Variants in DST observed in about 807,000 individuals in gnomAD.
DST encodes bullous pemphigoid antigen.
In DST, 253 loss-of-function variants were observed where a neutral mutation model predicts 875.2. The observed-to-expected ratio is 0.29, with a 90% confidence interval of 0.26 to 0.32. The LOEUF is 0.32. Ranked by LOEUF, DST falls within the 10% of genes least tolerant of loss-of-function variation. The pLI is 1.00. For synonymous variants in DST, 3,124 were observed against 3,197.1 expected (o/e 0.98, Z 0.77); for missense variants, 8,287 against 9,111.6 (o/e 0.91, Z 3.68).
At chr6:56,615,934 C>G (rs1247577216) in intron 36 of DST, 2 of 1,614,244 alleles carry the variant, frequency 1.2e-6, no homozygotes. Flanking sequence ...GGGCAAACCC[C>G]TCATCAACCA....
rs145040144 is a variant in DST at position 56,672,750 on chromosome 6, G to T, written c.1048-1943C>A. ...CAGTGTAATGCCTGGCCCATAGTCCGCAAATGCATAATACAGATGAGCTAT... is the reference window on the plus strand; with the variant it reads ...CAGTGTAATGCCTGGCCCATAGTCCTCAAATGCATAATACAGATGAGCTAT... On this transcript the variant is annotated intron_variant, in intron 9 of 103. Coordinates refer to ENST00000680361, the MANE Select transcript of DST (RefSeq NM_001374736.1). Among the ~76,000 whole-genome samples, 7 of 152,184 alleles carry T rather than the reference G, an allele frequency of 4.6e-5. No individual in the cohort carries two copies. In the East Asian group the frequency reaches 1.4e-3, roughly 29 times the overall value.
At chr6:56,534,711 A>G (rs758975495) in intron 63 of DST, among the ~76,000 whole-genome samples, 44 of 150,482 alleles carry the variant, frequency 2.9e-4, no homozygotes, top group Non-Finnish European at 4.9e-4. Flanking sequence ...AATTACACAC[A>G]CCCCCTCCCT....
intron 9 of DST, among the ~76,000 whole-genome samples, chr6:56,683,925 G>A (rs1414000630): frequency 6.6e-6 from 1 of 152,182 alleles, no homozygotes; most frequent in African/African-American, 2.4e-5. Flanking sequence ...AAAATTTCAT[G>A]AACTTTACAT....
At chr6:56,506,916 A>C in intron 75 of DST, 127 bp from the exon 76 acceptor site, 1 of 1,000,564 alleles carries the variant, frequency 1.0e-6, no homozygotes, top group Non-Finnish European at 1.4e-6. Context: ...CTGTTTTCTA[A>C]GTTTCTGCAA....
At chr6:56,569,209 C>A (rs1254889786) in intron 54 of DST, among the ~76,000 whole-genome samples, 1 of 151,468 alleles carries the variant, frequency 6.6e-6, no homozygotes, top group African/African-American at 2.4e-5. Flanking sequence ...CCTGTAGTCC[C>A]AGCTACTAGG....
chr6:56,665,554 T>C (rs953221770), intron 10 of DST, among the ~76,000 whole-genome samples: 6 of 152,060 alleles, frequency 3.9e-5, no homozygotes, highest in Non-Finnish European at 5.9e-5. Flanking sequence ...TATATGAAGA[T>C]GAGAATTCAG....
chr6:56,811,558 C>T (rs1276617740), intron 4 of DST, among the ~76,000 whole-genome samples: 2 of 152,278 alleles, frequency 1.3e-5, no homozygotes, highest in South Asian at 2.1e-4. Flanking sequence ...AAATTGGATA[C>T]TATCTTTCAT....
chr6:56,761,920 G>A (rs547652173), intron 4 of DST, among the ~76,000 whole-genome samples: 1 of 152,268 alleles, frequency 6.6e-6, no homozygotes, highest in Non-Finnish European at 1.5e-5. Flanking sequence ...GTTATTTAGT[G>A]CACCTTATAG....
Position 56,606,182 on chromosome 6 carries a change from C to T in DST, c.8446G>A (p.Gly2816Arg), listed in dbSNP as rs761457855. 2.1e-5 allele frequency: 34 copies of T among 1,590,778 alleles called. 1 individual carries two copies. The South Asian group carries it at 3.4e-4, about 16-fold the overall frequency. ...CCATTCTCATCTCTTATACCTCCTCCTTCTTCATCAATGCCATCATCATCA... is the reference window on the plus strand; with the variant it reads ...CCATTCTCATCTCTTATACCTCCTCTTTCTTCATCAATGCCATCATCATCA... Reference protein sequence around the residue: ...DDDDDGIDEEGGGIRDENGKP... With the variant: ...DDDDDGIDEERGGIRDENGKP... Residue 2816 changes from glycine (G) to arginine (R), a missense_variant, in exon 40 of 104, where the codon GGA becomes AGA. Transcript: ENST00000680361.
At chr6:56,853,764 G>C (rs1766464650) in intron 3 of DST, among the ~76,000 whole-genome samples, 1 of 152,020 alleles carries the variant, frequency 6.6e-6, no homozygotes, top group Non-Finnish European at 1.5e-5. Context: ...ATCACTCATA[G>C]CCAGATGGGA....
intron 34 of DST, among the ~76,000 whole-genome samples, chr6:56,625,955 C>T (rs111610813): frequency 0.052 from 2,906 of 55,474 alleles, 81 homozygotes; most frequent in African/African-American, 0.16. Flanking sequence ...TAGGCTTTAA[C>T]AAAGAAGTTT....
chr6:56,657,954 C>CG (rs373222797), intron 10 of DST, among the ~76,000 whole-genome samples: 5 of 151,954 alleles, frequency 3.3e-5, no homozygotes, highest in African/African-American at 1.2e-4. Flanking sequence ...TTAGTAAAGA[C>CG]GGGGTTTCGC....
chr6:56,636,420 ATATG>A (rs2098827170), intron 23 of DST, 133 bp downstream of exon 23: 2 of 685,250 alleles, frequency 2.9e-6, no homozygotes, highest in African/African-American at 3.6e-5. Flanking sequence ...ATACACACAT[ATATG>A]TGTATATATA....
At chr6:56,692,462 G>A (rs1485208896) in intron 9 of DST, 2 of 1,289,214 alleles carry the variant, frequency 1.6e-6, no homozygotes, top group Non-Finnish European at 2.0e-6. Flanking sequence ...TTTTTAAACT[G>A]AAAATGCTGT....
At chr6:56,930,186 C>A (rs575224910) in intron 2 of DST, among the ~76,000 whole-genome samples, 6 of 152,340 alleles carry the variant, frequency 3.9e-5, no homozygotes, top group African/African-American at 1.4e-4. Flanking sequence ...CACTCAGTGC[C>A]TAGCCAACAG....
chr6:56,744,083 A>C (rs1245964020), intron 4 of DST, among the ~76,000 whole-genome samples: 1 of 150,142 alleles, frequency 6.7e-6, no homozygotes, highest in Non-Finnish European at 1.5e-5. Context: ...CAGAAGGCGG[A>C]GTTTGCAGCG....
chr6:56,728,786 G>C (rs1482529741), intron 5 of DST, among the ~76,000 whole-genome samples: 1 of 152,148 alleles, frequency 6.6e-6, no homozygotes, highest in African/African-American at 2.4e-5. Flanking sequence ...AGAGGATGAT[G>C]TAAAAGATCA....
intron 2 of DST, among the ~76,000 whole-genome samples, chr6:56,916,578 C>T (rs1420400931): frequency 6.6e-6 from 1 of 151,872 alleles, no homozygotes; most frequent in East Asian, 1.9e-4. Context: ...ATAGTGAGAC[C>T]CTGTCTCTAC....
At chr6:56,783,420 C>T (rs890543192) in intron 4 of DST, among the ~76,000 whole-genome samples, 10 of 152,032 alleles carry the variant, frequency 6.6e-5, no homozygotes, top group Admixed American at 3.3e-4. Flanking sequence ...GTATTGGGTG[C>T]ATATATATTT....
Sources: gnomAD v4.1 joint callset for allele counts (sites outside exome capture counted in the v4.1 genomes callset) on GRCh38, gnomAD v4.1.1 for gene constraint, MANE v1.5 for transcripts, NCBI Gene and HGNC (gene_info 2026-07-23, HGNC 2026-07-21) for gene names.